Variants in LMO7 observed in about 807,000 individuals in gnomAD.
LMO7 encodes LIM domain only protein 7.
In LMO7, 120 loss-of-function variants were observed where a neutral mutation model predicts 206.5. The ratio of observed to expected loss-of-function variants is 0.58; its 90% CI spans 0.50 to 0.68. LMO7 has a LOEUF of 0.68. Ranked by LOEUF, LMO7 falls within the 30% of genes least tolerant of loss-of-function variation. LMO7 has a pLI of 0.00. For synonymous variants in LMO7, 706 were observed against 681.5 expected, an observed-to-expected ratio of 1.04 and a Z score of -0.56; for missense variants, 1,959 against 1,957.9, an observed-to-expected ratio of 1.00 and a Z score of -0.01.
chr13:75,641,380 C>CT (rs2036514343), intron 1 of LMO7, among the ~76,000 whole-genome samples: 1 of 152,212 alleles, frequency 6.6e-6, no homozygotes, highest in African/African-American at 2.4e-5. Context: ...AAGTACCTTA[C>CT]TGAGGTAACG....
chr13:75,822,765 T>TATAC (rs1348056930), intron 14 of LMO7, among the ~76,000 whole-genome samples: 2 of 33,790 alleles, frequency 5.9e-5, no homozygotes, highest in Non-Finnish European at 1.2e-4. Flanking sequence ...TTAGAAACTA[T>TATAC]ATATATATAT....
At chr13:75,856,721 C>G in intron 30 of LMO7, 113 bp downstream of exon 30, 1 of 694,746 alleles carries the variant, frequency 1.4e-6, no homozygotes, top group South Asian at 1.5e-5. Context: ...CCATAGGATT[C>G]CAGGTTTCAA....
At chr13:75,830,021 GT>G (rs1357977554) in intron 15 of LMO7, among the ~76,000 whole-genome samples, 2 of 152,044 alleles carry the variant, frequency 1.3e-5, no homozygotes, top group African/African-American at 2.4e-5. Flanking sequence ...AGGAATCTAG[GT>G]TTCCCCCAAC....
chr13:75,716,165 A>T (rs1269582597), intron 2 of LMO7, among the ~76,000 whole-genome samples: 5 of 152,178 alleles, frequency 3.3e-5, no homozygotes, highest in African/African-American at 1.2e-4. Flanking sequence ...TAATTTCAGC[A>T]ATTTTAAAAA....
chr13:75,817,126 A>C, intron 11 of LMO7, 35 bp from the exon 12 acceptor site: 2 of 1,489,180 alleles, frequency 1.3e-6, no homozygotes, highest in Non-Finnish European at 1.9e-6. Context: ...TGGTCATGTG[A>C]ACTTCCGTAG....
chr13:75,855,693 T>C (rs1174079185), intron 29 of LMO7, among the ~76,000 whole-genome samples: 1 of 152,236 alleles, frequency 6.6e-6, no homozygotes, highest in Non-Finnish European at 1.5e-5. Context: ...ACTAGTGTTG[T>C]TAAGGGCAGG....
intron 3 of LMO7, among the ~76,000 whole-genome samples, chr13:75,753,314 T>C (rs939054990): frequency 6.6e-6 from 1 of 152,244 alleles, no homozygotes; most frequent in African/African-American, 2.4e-5. Flanking sequence ...ATCAGTCTGC[T>C]GTTGGATGTA....
chr13:75,819,446 GA>G lies in LMO7; in HGVS notation c.2124del (p.Glu709LysfsTer59). On this transcript the variant is annotated frameshift_variant, in exon 13 of 31. Coordinates refer to ENST00000377534, the MANE Select transcript of LMO7 (RefSeq NM_001306080.2). LOFTEE classifies it high-confidence loss of function. ...RKSYTSDLQKKKEEREEIEKQ... is the reference protein window; with the variant it reads ...RKSYTSDLQKXKEEREEIEKQ... ...AAAGTTACACTTCAGATCTGCAGAA[GA>G]AAAAAGAAGAGAGAGAAGAAATTGA... 2.5e-6 allele frequency: 4 copies of G among 1,612,678 alleles called. No homozygotes were observed. The highest frequency in any genetic ancestry group is 3.4e-6 in the Non-Finnish European group (4 of 1,179,656).
Position 75,805,605 on chromosome 13 carries a change from T to C in LMO7, c.1041T>C (p.Asp347=). Reference sequence around the variant, plus strand: ...GAAGCATACCCAACATTGTAAAGGATGATCTTTATGTGCGCAAGCTCAGTC... The same window carrying C: ...GAAGCATACCCAACATTGTAAAGGACGATCTTTATGTGCGCAAGCTCAGTC... ...KTRSIPNIVK[D]DLYVRKLSPV... Residue 347 remains aspartate (D), a synonymous_variant, in exon 9 of 31, where the codon GAT becomes GAC. Transcript: ENST00000377534. 3.1e-6 allele frequency: 5 copies of C among 1,614,100 alleles called. No homozygotes were observed. Among genetic ancestry groups the C allele is most frequent in the Non-Finnish European group, 4.2e-6 (5 of 1,179,904 alleles).
chr13:75,780,634 G>A (rs950260500), intron 4 of LMO7, among the ~76,000 whole-genome samples: 1 of 152,184 alleles, frequency 6.6e-6, no homozygotes, highest in Non-Finnish European at 1.5e-5. Context: ...AGCTTAAGAA[G>A]ATGACGGGAT....
chr13:75,702,575 C>T (rs1338736146), intron 1 of LMO7, among the ~76,000 whole-genome samples: 1 of 152,166 alleles, frequency 6.6e-6, no homozygotes, highest in East Asian at 1.9e-4. Flanking sequence ...AAATGAGTGA[C>T]TTGAGAATTA....
intron 1 of LMO7, among the ~76,000 whole-genome samples, chr13:75,681,209 C>T (rs189721333): frequency 3.7e-4 from 56 of 152,092 alleles, no homozygotes; most frequent in African/African-American, 1.2e-3. Context: ...CAATTGCTTT[C>T]GATGTTTTTG....
chr13:75,627,667 T>C (rs1399638256), intron 2 of LMO7: 1 of 152,160 alleles, frequency 6.6e-6, no homozygotes, highest in Non-Finnish European at 1.5e-5. Flanking sequence ...TCTTTGATTA[T>C]CCTTACTAAA....
intron 3 of LMO7, among the ~76,000 whole-genome samples, chr13:75,751,200 G>A (rs747223563): frequency 1.3e-4 from 14 of 110,012 alleles, no homozygotes; most frequent in East Asian, 8.9e-4. Flanking sequence ...TCGCTCTGTC[G>A]CCCAGGCTGG....
chr13:75,643,191 G>T (rs982408455), intron 1 of LMO7, among the ~76,000 whole-genome samples: 1 of 152,126 alleles, frequency 6.6e-6, no homozygotes, highest in Non-Finnish European at 1.5e-5. Context: ...AGAGTGCTTT[G>T]GGTAGTGAGG....
intron 1 of LMO7, among the ~76,000 whole-genome samples, chr13:75,657,870 T>G (rs1276264882): frequency 6.6e-6 from 1 of 152,224 alleles, no homozygotes; most frequent in Non-Finnish European, 1.5e-5. Context: ...ATTCTTTGCT[T>G]TGATGTCACA....
At chr13:75,660,089 G>A (rs1323693) in intron 1 of LMO7, among the ~76,000 whole-genome samples, 1 of 151,986 alleles carries the variant, frequency 6.6e-6, no homozygotes, top group Non-Finnish European at 1.5e-5. Flanking sequence ...AGTTCATAAT[G>A]TTCTTGTAAA....
chr13:75,820,718 G>A (rs574767519), intron 13 of LMO7, among the ~76,000 whole-genome samples: 1 of 152,096 alleles, frequency 6.6e-6, no homozygotes, highest in Non-Finnish European at 1.5e-5. Flanking sequence ...CATCTTGCTG[G>A]GCATGGTGGC....
intron 2 of LMO7, among the ~76,000 whole-genome samples, chr13:75,624,986 T>A (rs2033840392): frequency 6.6e-6 from 1 of 152,168 alleles, no homozygotes; most frequent in Non-Finnish European, 1.5e-5. Context: ...CAATATAGGA[T>A]GGTGGTCGGC....
Sources: allele counts gnomAD v4.1 joint callset (sites outside exome capture counted in the v4.1 genomes callset), GRCh38; gene constraint gnomAD v4.1.1; transcripts MANE v1.5; gene names NCBI Gene and HGNC (gene_info 2026-07-23, HGNC 2026-07-21).